Variants in CFAP57 observed in about 807,000 individuals in gnomAD.
The protein encoded by CFAP57 is cilia- and flagella-associated protein 57.
CFAP57 carries 116 observed loss-of-function variants against 146.8 expected under a neutral mutation model. The ratio of observed to expected loss-of-function variants is 0.79; its 90% CI spans 0.68 to 0.92. The LOEUF (loss-of-function observed/expected upper bound fraction) is 0.92. Ranked by LOEUF, CFAP57 falls within the 40% of genes least tolerant of loss-of-function variation. The pLI is 0.00. For missense variants in CFAP57, 1,377 were observed against 1,527.2 expected, an observed-to-expected ratio of 0.90 and a Z score of 1.64; for synonymous variants, 518 against 552.8, an observed-to-expected ratio of 0.94 and a Z score of 0.88.
In CFAP57 at chr1:43,206,491, T is replaced by G. The variant is rs1644361120; in HGVS notation, c.1543-229T>G. On this transcript the variant is annotated intron_variant, in intron 9 of 22. Coordinates refer to ENST00000372492, the MANE Select transcript of CFAP57 (RefSeq NM_001378189.1). ...CTGTAGGATTCAGTCTTTACGTTCA[T>G]AAAGTGAAAAAGAAATGAGAGTGTT... is the stretch of plus-strand genomic sequence containing the variant. 7.0e-6 allele frequency: 4 copies of G among 568,566 alleles called. No individual in the cohort carries two copies. In the Admixed American group the frequency reaches 1.2e-4, roughly 17 times the overall value. The allele number at this position is 568,566 out of a possible 1,614,324, so 35.2% of individuals were successfully genotyped here. A position where few individuals can be genotyped will look rare whatever the true frequency, so the allele number is the denominator to read the frequency against.
chr1:43,195,111 A>G (rs927411908), intron 6 of CFAP57, among the ~76,000 whole-genome samples: 5 of 152,356 alleles, frequency 3.3e-5, no homozygotes, highest in African/African-American at 1.2e-4. Flanking sequence ...GTGTAAACTG[A>G]TACAGCCATT....
At chr1:43,172,506 C>A in intron 1 of CFAP57, 53 bp downstream of exon 1, 1 of 1,364,418 alleles carries the variant, frequency 7.3e-7, no homozygotes, top group Non-Finnish European at 9.6e-7. Flanking sequence ...AGTGAGGGTA[C>A]AAAGGAAAAG....
At chr1:43,232,675 A>G (rs1645521613) in intron 19 of CFAP57, 51 bp downstream of exon 19, 1 of 1,368,580 alleles carries the variant, frequency 7.3e-7, no homozygotes. Context: ...TCTGGCACCT[A>G]TCTGCAATGG....
rs1199892716 is a variant in CFAP57, at chr1:43,206,320, A to G, written c.1543-400A>G. ...TTTACCAGTTAACCTACATTGTCAG[A>G]GAGAAGGTCAAGTTGAGGTTCTTAC... On this transcript the variant is annotated intron_variant, in intron 9 of 22. Coordinates refer to ENST00000372492, the MANE Select transcript of CFAP57 (RefSeq NM_001378189.1). 4 of 192,436 alleles carry G rather than the reference A, an allele frequency of 2.1e-5. No homozygotes were observed. In the Admixed American group the frequency reaches 2.1e-4, roughly 10 times the overall value. The allele number at this position is 192,436 out of a possible 1,614,324, so 11.9% of individuals were successfully genotyped here. A position where few individuals can be genotyped will look rare whatever the true frequency, so the allele number is the denominator to read the frequency against.
At chr1:43,176,386 A>G (rs758676766) in intron 2 of CFAP57, among the ~76,000 whole-genome samples, 3 of 152,210 alleles carry the variant, frequency 2.0e-5, no homozygotes, top group Non-Finnish European at 4.4e-5. Context: ...GACCAAGTCT[A>G]AGGGTATTAC....
chr1:43,186,329 A>G (rs1643086853), intron 5 of CFAP57, among the ~76,000 whole-genome samples: 1 of 152,112 alleles, frequency 6.6e-6, no homozygotes, highest in Admixed American at 6.6e-5. Flanking sequence ...CTGAAAGCCT[A>G]GGCCGGGCGC....
intron 13 of CFAP57, among the ~76,000 whole-genome samples, chr1:43,220,666 G>A (rs188676240): frequency 2.1e-4 from 32 of 152,228 alleles, no homozygotes; most frequent in Non-Finnish European, 3.7e-4. Flanking sequence ...GGGGACTGTA[G>A]TGAGTCATGA....
At chr1:43,247,286 T>C (rs2124679873) in intron 22 of CFAP57, among the ~76,000 whole-genome samples, 1 of 152,314 alleles carries the variant, frequency 6.6e-6, no homozygotes, top group East Asian at 1.9e-4. Context: ...CCACTCAGTC[T>C]ACCCTGGAGA....
chr1:43,190,808 C>T (rs628996), intron 6 of CFAP57, among the ~76,000 whole-genome samples: 74,109 of 151,700 alleles, frequency 0.49, 20,283 homozygotes, highest in East Asian at 0.71. Flanking sequence ...TGTTAAACCA[C>T]CCTTGCATTC....
At chr1:43,202,372 G>A (rs1166616635) in intron 9 of CFAP57, among the ~76,000 whole-genome samples, 4 of 152,036 alleles carry the variant, frequency 2.6e-5, no homozygotes, top group Non-Finnish European at 4.4e-5. Flanking sequence ...TTGAAAACAC[G>A]AAATAGACAA....
chr1:43,222,963 G>A lies in CFAP57; in HGVS notation c.2672G>A (p.Arg891Gln), dbSNP rs200006667. The change falls in exon 16 of 23, where the codon CGG becomes CAG. Residue 891 changes from arginine (R) to glutamine (Q), a missense_variant. Arg to Gln is a conservative substitution (Grantham distance 43, BLOSUM62 1). Transcript: ENST00000372492. ...CGGGATGAAAAGGAATCAAACCTGC[G>A]GCTCAAGGGAGAAACAGGCATCATG... ...KLRDEKESNL[R>Q]LKGETGIMRK... is the part of the protein sequence containing the mutation. 924 of 1,550,124 alleles carry A rather than the reference G, an allele frequency of 6.0e-4. No homozygotes were observed. Among genetic ancestry groups the A allele is most frequent in the Non-Finnish European group, 7.2e-4 (831 of 1,146,768 alleles).
intron 22 of CFAP57, among the ~76,000 whole-genome samples, chr1:43,251,084 A>C (rs954479279): frequency 6.6e-6 from 1 of 152,194 alleles, no homozygotes; most frequent in African/African-American, 2.4e-5. Context: ...GCTGCTTAGG[A>C]GGGCTTCTGA....
At chr1:43,176,292 G>A (rs1375223542) in intron 2 of CFAP57, among the ~76,000 whole-genome samples, 1 of 152,174 alleles carries the variant, frequency 6.6e-6, no homozygotes, top group Non-Finnish European at 1.5e-5. Flanking sequence ...GGCAGCCACT[G>A]TATCCCACTT....
chr1:43,248,752 T>C (rs1220076468), intron 22 of CFAP57, among the ~76,000 whole-genome samples: 1 of 152,200 alleles, frequency 6.6e-6, no homozygotes, highest in Admixed American at 6.5e-5. Context: ...CTATAATTAT[T>C]ATCCTTAATA....
intron 2 of CFAP57, among the ~76,000 whole-genome samples, chr1:43,178,854 T>C (rs569437171): frequency 1.3e-3 from 199 of 152,308 alleles, no homozygotes; most frequent in African/African-American, 4.5e-3. Flanking sequence ...ATTGTGGCAC[T>C]GTTCACAATA....
At chr1:43,229,694 C>T (rs1404515613) in intron 18 of CFAP57, among the ~76,000 whole-genome samples, 1 of 148,676 alleles carries the variant, frequency 6.7e-6, no homozygotes, top group Non-Finnish European at 1.5e-5. Context: ...TTAGTTTACA[C>T]TCATTTACTA....
Position 43,172,344 on chromosome 1 carries a change from G to A in CFAP57, c.-129G>A. On this transcript the variant is annotated 5_prime_UTR_variant, in exon 1 of 23. Coordinates refer to ENST00000372492, the MANE Select transcript of CFAP57 (RefSeq NM_001378189.1). The stretch of plus-strand genomic sequence containing the variant: ...CGGCAAACCATACTTCCGGTTTGTC[G>A]TTGCTATAGGAACCGCTACGGCGTT... The A allele has an allele frequency of 6.4e-7, 1 of 1,551,608 alleles. No individual in the cohort carries two copies. The highest frequency in any genetic ancestry group is 8.7e-7 in the Non-Finnish European group (1 of 1,146,988).
intron 6 of CFAP57, among the ~76,000 whole-genome samples, chr1:43,194,420 G>T (rs1411857780): frequency 2.6e-5 from 4 of 151,960 alleles, no homozygotes; most frequent in Admixed American, 2.6e-4. Flanking sequence ...GTGTCTGTTT[G>T]TGGAACTCTT....
chr1:43,250,063 C>G (rs539317917), intron 22 of CFAP57, among the ~76,000 whole-genome samples: 1 of 152,142 alleles, frequency 6.6e-6, no homozygotes, highest in African/African-American at 2.4e-5. Context: ...ACATAAGTCA[C>G]GTGAACTTGA....
Sources: allele counts gnomAD v4.1 joint callset (sites outside exome capture counted in the v4.1 genomes callset), GRCh38; gene constraint gnomAD v4.1.1; transcripts MANE v1.5; gene names NCBI Gene and HGNC (gene_info 2026-07-23, HGNC 2026-07-21).